STMP1: variants seen among roughly 807,000 people sequenced by gnomAD.
STMP1 encodes the protein mitolamban.
Under a neutral mutation model 7.0 loss-of-function variants are expected in STMP1, and 7 were observed. That is an observed-to-expected ratio of 1.01 (90% CI 0.57 to 1.89). STMP1 has a LOEUF of 1.89. STMP1 is among the 40% of genes most tolerant of loss of function. The probability of loss-of-function intolerance (pLI) is 0.00; values close to 1 mark genes in which losing one functional copy is unlikely to be tolerated. For synonymous variants in STMP1, 19 were observed against 18.4 expected, an observed-to-expected ratio of 1.03 and a Z score of -0.08; for missense variants, 45 against 53.0, an observed-to-expected ratio of 0.85 and a Z score of 0.47.
chr7:135,672,751 A>T lies in STMP1; in HGVS notation c.16-2A>T. The T allele has an allele frequency of 1.9e-6, 3 of 1,551,070 alleles. No homozygotes were observed. The highest frequency in any genetic ancestry group is 2.7e-5 in the African/African-American group (2 of 73,146). On this transcript the variant is annotated splice_acceptor_variant, in intron 1 of 2. Transcript: ENST00000507606. LOFTEE classifies it high-confidence loss of function. ...ATAACTCTTACTGTTCTATTTTTTC[A>T]GCTTGGATTTACACTGGGCAACGTG...
chr7:135,668,532 A>G (rs938874869), intron 1 of STMP1, among the ~76,000 whole-genome samples: 1 of 152,142 alleles, frequency 6.6e-6, no homozygotes, highest in Non-Finnish European at 1.5e-5. Context: ...CCTCCAGAGT[A>G]GCTGGGACTA....
chr7:135,673,868 G>T (rs1795382034), intron 2 of STMP1, among the ~76,000 whole-genome samples: 1 of 152,176 alleles, frequency 6.6e-6, no homozygotes. Flanking sequence ...AGCTCTGGAG[G>T]TCAAGGCTGC....
intron 1 of STMP1, among the ~76,000 whole-genome samples, chr7:135,668,556 C>A (rs1795320284): frequency 6.6e-6 from 1 of 152,170 alleles, no homozygotes; most frequent in Non-Finnish European, 1.5e-5. Context: ...ATGTATGCCA[C>A]CACATCCGGC....
Position 135,675,024 on chromosome 7 carries a change from A to G in STMP1, c.*859A>G, listed in dbSNP as rs1007723075. 6.6e-6 allele frequency: 1 copy of G among 152,224 alleles called. No individual in the cohort carries two copies. Among genetic ancestry groups the G allele is most frequent in the African/African-American group, 2.4e-5 (1 of 41,452 alleles). 9.4% of individuals were successfully genotyped at this position (152,224 alleles called of 1,614,324 possible). On this transcript the variant is annotated 3_prime_UTR_variant, in exon 3 of 3. Coordinates refer to ENST00000507606, the MANE Select transcript of STMP1 (RefSeq NM_001130929.2). Reference sequence around the variant, plus strand: ...TTAAGAAAAAATATAGCCCAAATGTATAGTAAAATCAGCAGCTCAAGAAGA... The same window carrying G: ...TTAAGAAAAAATATAGCCCAAATGTGTAGTAAAATCAGCAGCTCAAGAAGA...
Position 135,674,072 on chromosome 7 carries a change from AC to A in STMP1, c.70-17del. ...ATTAGGTAGATGCAAAATTATAATA[AC>A]CTTTTTTCTCTTCAAAGATACCAAA... On this transcript the variant is annotated intron_variant, in intron 2 of 2. Coordinates refer to ENST00000507606, the MANE Select transcript of STMP1 (RefSeq NM_001130929.2). 1 of 1,507,538 alleles carries A rather than the reference AC, an allele frequency of 6.6e-7. No individual in the cohort carries two copies. Among genetic ancestry groups the A allele is most frequent in the Non-Finnish European group, 9.0e-7 (1 of 1,115,074 alleles). 93.4% of individuals were successfully genotyped at this position (1,507,538 alleles called of 1,614,324 possible).
intron 1 of STMP1, among the ~76,000 whole-genome samples, chr7:135,663,806 C>T (rs764152478): frequency 2.6e-5 from 4 of 152,138 alleles, no homozygotes; most frequent in Admixed American, 6.5e-5. Context: ...CCAGCAGGCC[C>T]AGTTAATTTT....
intron 1 of STMP1, among the ~76,000 whole-genome samples, chr7:135,664,705 G>A (rs1021930958): frequency 6.6e-6 from 1 of 151,872 alleles, no homozygotes; most frequent in Admixed American, 6.6e-5. Flanking sequence ...GAACACTGAT[G>A]TTCTCTCACC....
Position 135,674,073 on chromosome 7 carries a change from C to A in STMP1, c.70-18C>A, listed in dbSNP as rs1273044291. 6.6e-7 allele frequency: 1 copy of A among 1,514,626 alleles called. No individual in the cohort carries two copies. Among genetic ancestry groups the A allele is most frequent in the Admixed American group, 2.1e-5 (1 of 48,016 alleles). 93.8% of individuals were successfully genotyped at this position (1,514,626 alleles called of 1,614,324 possible). On this transcript the variant is annotated intron_variant, in intron 2 of 2. Coordinates refer to ENST00000507606, the MANE Select transcript of STMP1 (RefSeq NM_001130929.2). The stretch of plus-strand genomic sequence containing the variant: ...TTAGGTAGATGCAAAATTATAATAA[C>A]CTTTTTTCTCTTCAAAGATACCAAA...
intron 1 of STMP1, chr7:135,665,791 G>A (rs1182557687): frequency 6.6e-6 from 1 of 152,118 alleles, no homozygotes; most frequent in African/African-American, 2.4e-5. Flanking sequence ...TTAATCGTAA[G>A]GTTTAGCTAG....
rs1268299694 is a variant in STMP1, at chr7:135,662,593, T to C, written c.14T>C (p.Leu5Pro). ...CCCACCGACATCATGCTCCAGTTCC[T>C]GGTGAGTGGAGCTGCCGAAGAGCGG... The part of the protein sequence containing the change: MLQF[L>P]LGFTLGNVVG... The change falls in exon 1 of 3, where the codon CTG becomes CCG. Residue 5 changes from leucine to proline, a missense_variant and splice_region_variant. Leu to Pro is a moderately conservative substitution (Grantham distance 98, BLOSUM62 -3). Coordinates refer to ENST00000507606, the MANE Select transcript of STMP1 (RefSeq NM_001130929.2). 6.5e-7 allele frequency: 1 copy of C among 1,547,808 alleles called. No individual in the cohort carries two copies. Among genetic ancestry groups the C allele is most frequent in the Non-Finnish European group, 8.7e-7 (1 of 1,145,516 alleles).
rs1248794601 is a variant in STMP1 at position 135,674,677 on chromosome 7, C to G, written c.*512C>G. 1 of 152,350 alleles carries G rather than the reference C, an allele frequency of 6.6e-6. No homozygotes were observed. Among genetic ancestry groups the G allele is most frequent in the Admixed American group, 6.5e-5 (1 of 15,294 alleles). The allele number at this position is 152,350 out of a possible 1,614,324, so 9.4% of individuals were successfully genotyped here. On this transcript the variant is annotated 3_prime_UTR_variant, in exon 3 of 3. Coordinates refer to ENST00000507606, the MANE Select transcript of STMP1 (RefSeq NM_001130929.2). The stretch of plus-strand genomic sequence containing the variant: ...TCATTTATTTTGTACTGTTGTTAGG[C>G]AGCTCTGTAGTTGCTAATTTAACCA...
chr7:135,663,067 G>A (rs115705127), intron 1 of STMP1, among the ~76,000 whole-genome samples: 6,362 of 152,282 alleles, frequency 0.042, 451 homozygotes, highest in African/African-American at 0.14. Flanking sequence ...ACCTCACGAA[G>A]TCCGAGAGGC....
chr7:135,663,646 A>G (rs1795260553), intron 1 of STMP1, among the ~76,000 whole-genome samples: 1 of 149,752 alleles, frequency 6.7e-6, no homozygotes, highest in African/African-American at 2.5e-5. Flanking sequence ...TCCCGGCTCA[A>G]ATGCTGTATC....
At chr7:135,662,694 G>A (rs1201941436) in intron 1 of STMP1, 100 bp downstream of exon 1, 4 of 1,417,058 alleles carry the variant, frequency 2.8e-6, no homozygotes, top group Non-Finnish European at 3.8e-6. Context: ...CGGCCTGGGC[G>A]TGGGTCCAGC....
chr7:135,664,230 A>G (rs1314622336), intron 1 of STMP1, among the ~76,000 whole-genome samples: 4 of 152,036 alleles, frequency 2.6e-5, no homozygotes, highest in East Asian at 1.9e-4. Context: ...GCTGCTTACT[A>G]TATCTGTTGC....
intron 2 of STMP1, among the ~76,000 whole-genome samples, chr7:135,673,693 C>G (rs909772171): frequency 2.0e-5 from 3 of 152,180 alleles, no homozygotes; most frequent in Admixed American, 6.5e-5. Flanking sequence ...AATCCTAGCA[C>G]TTTGGGAGGC....
intron 2 of STMP1, chr7:135,673,156 G>A (rs3112331): frequency 0.33 from 92,063 of 280,358 alleles, 16,254 homozygotes; most frequent in East Asian, 0.53. Flanking sequence ...AATATTTTCA[G>A]CCCCACTATC....
intron 1 of STMP1, among the ~76,000 whole-genome samples, chr7:135,667,075 G>A (rs535906217): frequency 6.6e-6 from 1 of 152,332 alleles, no homozygotes; most frequent in African/African-American, 2.4e-5. Flanking sequence ...TAGTGGGTGT[G>A]ATGTAGTTCC....
intron 1 of STMP1, among the ~76,000 whole-genome samples, chr7:135,671,405 C>G (rs1439265162): frequency 6.6e-6 from 1 of 152,038 alleles, no homozygotes; most frequent in Non-Finnish European, 1.5e-5. Flanking sequence ...TTTTTTTAAA[C>G]CTCTCTGCTG....
Sources: gnomAD v4.1 joint callset for allele counts (sites outside exome capture counted in the v4.1 genomes callset) on GRCh38, gnomAD v4.1.1 for gene constraint, MANE v1.5 for transcripts, NCBI Gene and HGNC (gene_info 2026-07-23, HGNC 2026-07-21) for gene names.